The following DCC variants were observed in gnomAD, a reference collection of about 807,000 sequenced individuals.
DCC encodes netrin receptor DCC.
In DCC, 58 loss-of-function variants were observed where a neutral mutation model predicts 172.5. The ratio of observed to expected loss-of-function variants is 0.34; its 90% CI spans 0.27 to 0.42. The LOEUF (loss-of-function observed/expected upper bound fraction) is 0.42. Among genes scored for constraint, DCC ranks in the 10% least tolerant of loss-of-function variants. The pLI, the probability that DCC is intolerant of heterozygous loss-of-function variation, is 1.00. For synonymous variants in DCC, 709 were observed against 644.5 expected, an observed-to-expected ratio of 1.10 and a Z score of -1.52; for missense variants, 1,740 against 1,791.0, an observed-to-expected ratio of 0.97 and a Z score of 0.51.
intron 1 of DCC, among the ~76,000 whole-genome samples, chr18:52,391,940 C>A (rs973750815): frequency 1.3e-5 from 2 of 152,162 alleles, no homozygotes; most frequent in African/African-American, 2.4e-5. Flanking sequence ...TAATGTCAGA[C>A]ACAAATCTGT....
At chr18:52,581,205 A>ATCTATCTATCTATCTATCTATCTGTCTG (rs763256543) in intron 1 of DCC, among the ~76,000 whole-genome samples, 1 of 152,010 alleles carries the variant, frequency 6.6e-6, no homozygotes, top group Non-Finnish European at 1.5e-5. Context: ...CTATCTATCT[A>ATCTATCTATCTATCTATCTATCTGTCTG]TCTAAATTTG....
At position 53,534,485 on chromosome 18, in the gene DCC, T is replaced by C. The variant is rs369721214; in HGVS notation, c.*3832T>C. The C allele has an allele frequency of 6.6e-6, 1 of 152,178 alleles. No individual in the cohort carries two copies. The highest frequency in any genetic ancestry group is 2.4e-5 in the African/African-American group (1 of 41,448). The allele number at this position is 152,178 out of a possible 1,614,324, so 9.4% of individuals were successfully genotyped here. A position where few individuals can be genotyped will look rare whatever the true frequency, so the allele number is the denominator to read the frequency against. ...TGGAGATGCAGAAGCAGCCATACAC[T>C]CAAGTCTCTGTTTTTGTAAATCACA... On this transcript the variant is annotated 3_prime_UTR_variant, in exon 29 of 29. Transcript: ENST00000442544.
At chr18:53,407,033 C>T (rs1305371295) in intron 19 of DCC, among the ~76,000 whole-genome samples, 1 of 152,100 alleles carries the variant, frequency 6.6e-6, no homozygotes, top group Admixed American at 6.5e-5. Context: ...CTGATGTCTG[C>T]ACCTTCAACT....
At chr18:53,257,014 G>A (rs1448177995) in intron 12 of DCC, among the ~76,000 whole-genome samples, 1 of 152,112 alleles carries the variant, frequency 6.6e-6, no homozygotes, top group South Asian at 2.1e-4. Flanking sequence ...CTCTCTGTTT[G>A]TCTGTTATTG....
intron 12 of DCC, among the ~76,000 whole-genome samples, chr18:53,260,858 G>T (rs1274697091): frequency 6.6e-6 from 1 of 152,100 alleles, no homozygotes; most frequent in African/African-American, 2.4e-5. Context: ...CACCCTGTTC[G>T]AGCTTCAGGG....
At chr18:52,476,076 A>G (rs1172494516) in intron 1 of DCC, among the ~76,000 whole-genome samples, 1 of 152,224 alleles carries the variant, frequency 6.6e-6, no homozygotes, top group Non-Finnish European at 1.5e-5. Context: ...AGGTAGATAC[A>G]ACCAGCAGTC....
intron 15 of DCC, among the ~76,000 whole-genome samples, chr18:53,354,108 C>G (rs1457088310): frequency 2.0e-5 from 3 of 152,188 alleles, no homozygotes; most frequent in Non-Finnish European, 2.9e-5. Flanking sequence ...TTTTTTATGG[C>G]TGCATAGTAT....
At chr18:52,681,337 A>G (rs2035747519) in intron 1 of DCC, among the ~76,000 whole-genome samples, 1 of 151,968 alleles carries the variant, frequency 6.6e-6, no homozygotes, top group Non-Finnish European at 1.5e-5. Context: ...CATATCAACT[A>G]TTTTTGGAAT....
chr18:53,175,307 G>C (rs1598876118), intron 8 of DCC, among the ~76,000 whole-genome samples: 3 of 151,668 alleles, frequency 2.0e-5, no homozygotes, highest in Non-Finnish European at 4.4e-5. Flanking sequence ...ATTCAACATA[G>C]TGTTGGAAGT....
intron 5 of DCC, among the ~76,000 whole-genome samples, chr18:53,017,866 G>A (rs1389433155): frequency 5.3e-5 from 8 of 151,868 alleles, no homozygotes; most frequent in Non-Finnish European, 4.4e-5. Context: ...TGTAGATTTC[G>A]CCTGAGTTTC....
intron 7 of DCC, among the ~76,000 whole-genome samples, chr18:53,102,060 C>T (rs911657424): frequency 1.3e-5 from 2 of 152,032 alleles, no homozygotes; most frequent in East Asian, 1.9e-4. Context: ...AGTCTTGACT[C>T]GGATGCATTT....
rs1225534261 is a variant in DCC, at chr18:52,521,570, TC to T, written c.91+180693del. ...TTTGGGAGTTAGAGGTTCAATATATTCGTGGCAGGGTGGGGCAGGGGATATC... is the reference window on the plus strand; with the variant it reads ...TTTGGGAGTTAGAGGTTCAATATATTGTGGCAGGGTGGGGCAGGGGATATC... On this transcript the variant is annotated intron_variant, in intron 1 of 28. Coordinates refer to ENST00000442544, the MANE Select transcript of DCC (RefSeq NM_005215.4). 2.6e-5 allele frequency among the ~76,000 whole-genome samples: 4 copies of T among 152,130 alleles called. No individual in the cohort carries two copies. In the South Asian group the frequency reaches 6.2e-4, roughly 24 times the overall value.
intron 27 of DCC, among the ~76,000 whole-genome samples, chr18:53,509,280 A>AAATT (rs942264021): frequency 5.9e-5 from 9 of 152,232 alleles, no homozygotes; most frequent in Non-Finnish European, 1.2e-4. Context: ...TCTCACTGAA[A>AAATT]AATTATACAT....
chr18:53,441,110 G>C (rs1912247242), intron 22 of DCC, among the ~76,000 whole-genome samples: 1 of 152,152 alleles, frequency 6.6e-6, no homozygotes, highest in Non-Finnish European at 1.5e-5. Flanking sequence ...TTTCCCCCTT[G>C]GCAGGGAGGG....
intron 7 of DCC, among the ~76,000 whole-genome samples, chr18:53,078,129 T>C (rs1249563803): frequency 6.6e-6 from 1 of 152,106 alleles, no homozygotes; most frequent in African/African-American, 2.4e-5. Context: ...CCCAGAAATA[T>C]ATAAGGAATC....
chr18:53,494,854 C>G lies in DCC; in HGVS notation c.3899-4444C>G, dbSNP rs2046000926. Among the ~76,000 whole-genome samples, 3 of 152,120 alleles carry G rather than the reference C, an allele frequency of 2.0e-5. No homozygotes were observed. In the South Asian group the frequency reaches 6.2e-4, roughly 32 times the overall value. ...TTTAATCCTGTCATTATGATGCTAG[C>G]TGGTTATTTTGCCTGTTAATTAATG... On this transcript the variant is annotated intron_variant, in intron 26 of 28. Transcript: ENST00000442544.
At chr18:52,827,537 T>G (rs1475455576) in intron 2 of DCC, among the ~76,000 whole-genome samples, 1 of 152,222 alleles carries the variant, frequency 6.6e-6, no homozygotes. Flanking sequence ...AGGCAGCACA[T>G]GCTCTTTTCA....
At position 53,535,431 on chromosome 18, in the gene DCC, A is replaced by T. The variant is rs2046564989; in HGVS notation, c.*4778A>T. ...GGGTCATTCAAAGAAGATAACACCAAACCTAAATAATTCTGAAAGCATTTT... is the reference window on the plus strand; with the variant it reads ...GGGTCATTCAAAGAAGATAACACCATACCTAAATAATTCTGAAAGCATTTT... On this transcript the variant is annotated 3_prime_UTR_variant, in exon 29 of 29. Coordinates refer to ENST00000442544, the MANE Select transcript of DCC (RefSeq NM_005215.4). 1 of 152,186 alleles carries T rather than the reference A, an allele frequency of 6.6e-6. No individual in the cohort carries two copies. Among genetic ancestry groups the T allele is most frequent in the African/African-American group, 2.4e-5 (1 of 41,442 alleles). 9.4% of individuals were successfully genotyped at this position (152,186 alleles called of 1,614,324 possible). A position where few individuals can be genotyped will look rare whatever the true frequency, so the allele number is the denominator to read the frequency against.
intron 12 of DCC, among the ~76,000 whole-genome samples, chr18:53,276,231 T>A (rs912575746): frequency 2.0e-5 from 3 of 152,182 alleles, no homozygotes; most frequent in African/African-American, 7.2e-5. Flanking sequence ...CAACTGGGGT[T>A]CTTTAATCAA....
Sources: gnomAD v4.1 joint callset for allele counts (sites outside exome capture counted in the v4.1 genomes callset) on GRCh38, gnomAD v4.1.1 for gene constraint, MANE v1.5 for transcripts, NCBI Gene and HGNC (gene_info 2026-07-23, HGNC 2026-07-21) for gene names.